Variants in SIRT3 observed in about 807,000 individuals in gnomAD.
SIRT3 encodes sirtuin 3.
A neutral mutation model predicts 33.5 loss-of-function variants in SIRT3; 26 were observed. The observed-to-expected ratio is 0.78, with a 90% confidence interval of 0.57 to 1.08. The LOEUF is 1.08. Among genes scored for constraint, SIRT3 ranks in the 50% least tolerant of loss-of-function variants. The pLI, the probability that SIRT3 is intolerant of heterozygous loss-of-function variation, is 0.00. For missense variants in SIRT3, 585 were observed against 530.1 expected, an observed-to-expected ratio of 1.10 and a Z score of -1.02; for synonymous variants, 237 against 222.1, an observed-to-expected ratio of 1.07 and a Z score of -0.60.
chr11:235,204 CT>C (rs11320697), intron 1 of SIRT3, among the ~76,000 whole-genome samples: 95,519 of 150,770 alleles, frequency 0.63, 31,689 homozygotes, highest in African/African-American at 0.84. Context: ...AAACTTTTTT[CT>C]TTTTTTTTTC....
intron 3 of SIRT3, 40 bp from the exon 4 acceptor site, chr11:230,592 G>A (rs200665318): frequency 3.7e-4 from 516 of 1,401,198 alleles, no homozygotes; most frequent in Non-Finnish European, 4.7e-4. Flanking sequence ...TGCCGCCTCC[G>A]AGATGAGCAC....
intron 4 of SIRT3, among the ~76,000 whole-genome samples, chr11:224,558 C>G (rs1856897134): frequency 6.6e-6 from 1 of 152,232 alleles, no homozygotes; most frequent in Non-Finnish European, 1.5e-5. Context: ...CAGAGACATC[C>G]AGGCGCTAAG....
At chr11:226,413 T>C (rs1242948986) in intron 4 of SIRT3, among the ~76,000 whole-genome samples, 1 of 152,138 alleles carries the variant, frequency 6.6e-6, no homozygotes, top group Non-Finnish European at 1.5e-5. Flanking sequence ...TTTTATTTTA[T>C]ATTTTATTTT....
intron 1 of SIRT3, among the ~76,000 whole-genome samples, chr11:235,824 G>A (rs560025918): frequency 5.9e-5 from 9 of 152,204 alleles, no homozygotes; most frequent in Non-Finnish European, 1.2e-4. Flanking sequence ...ACAGCATGAT[G>A]CACAATAACT....
At chr11:219,065 G>A (rs769516419) in intron 5 of SIRT3, 24 bp from the exon 6 acceptor site, 21 of 1,590,864 alleles carry the variant, frequency 1.3e-5, no homozygotes, top group South Asian at 3.4e-5. Flanking sequence ...CAAACGTGAG[G>A]GGCACAGTGT....
Position 234,450 on chromosome 11 carries a change from T to A in SIRT3, c.282-916A>T, listed in dbSNP as rs542101035. ...TTTGTTTTGAGACGGAGTCTCGCTC[T>A]GTTGCCCAGGCTGGAGTGCAGTGTC... On this transcript the variant is annotated intron_variant, in intron 1 of 6. Transcript: ENST00000382743. Among the ~76,000 whole-genome samples the A allele has an allele frequency of 6.0e-5, 9 of 151,086 alleles. No individual in the cohort carries two copies. In the South Asian group the frequency reaches 1.9e-3, roughly 31 times the overall value.
intron 4 of SIRT3, among the ~76,000 whole-genome samples, chr11:224,927 A>G (rs140605147): frequency 6.6e-6 from 1 of 150,626 alleles, no homozygotes; most frequent in East Asian, 1.9e-4. Flanking sequence ...GCTTGTTTTA[A>G]GCAGGCTCAG....
chr11:221,694 A>C (rs1856464688), intron 5 of SIRT3, among the ~76,000 whole-genome samples: 1 of 152,246 alleles, frequency 6.6e-6, no homozygotes, highest in Non-Finnish European at 1.5e-5. Context: ...CAGCTCATTC[A>C]GTTCATGATG....
chr11:228,269 A>T (rs1359719355), intron 4 of SIRT3, among the ~76,000 whole-genome samples: 1 of 152,254 alleles, frequency 6.6e-6, no homozygotes, highest in African/African-American at 2.4e-5. Flanking sequence ...TGAGGAGACT[A>T]AACTATTTGT....
upstream of SIRT3, chr11:236,369 C>CG: frequency 6.9e-5 from 82 of 1,189,160 alleles, no homozygotes; most frequent in Middle Eastern, 3.2e-4. Context: ...TCGCCCCGCC[C>CG]CCGGCGCCCC....
intron 3 of SIRT3, among the ~76,000 whole-genome samples, chr11:231,843 G>T (rs1157250042): frequency 6.8e-6 from 1 of 147,964 alleles, no homozygotes; most frequent in East Asian, 2.0e-4. Flanking sequence ...CTTTTTAACT[G>T]ACAACACATC....
intron 5 of SIRT3, among the ~76,000 whole-genome samples, chr11:220,005 G>T (rs745330112): frequency 5.9e-5 from 9 of 152,036 alleles, no homozygotes; most frequent in Non-Finnish European, 1.2e-4. Flanking sequence ...TATAATTTAT[G>T]AACTAATTTA....
At position 230,536 on chromosome 11, in the gene SIRT3, G is replaced by A; in HGVS notation, c.723C>T (p.Ala241=). ...DGLERVSGIP[A]SKLVEAHGTF... ...TTCCATGAGCTTCAACCAGCTTTGA[G>A]GCAGGGATGCCCGACACTGAAATTC... Residue 241 remains alanine, a synonymous_variant, in exon 4 of 7, where the codon GCC becomes GCT. Transcript: ENST00000382743. 6.5e-7 allele frequency: 1 copy of A among 1,535,050 alleles called. No homozygotes were observed. Among genetic ancestry groups the A allele is most frequent in the Non-Finnish European group, 8.8e-7 (1 of 1,141,446 alleles).
intron 4 of SIRT3, among the ~76,000 whole-genome samples, chr11:229,720 T>C (rs547476288): frequency 4.9e-4 from 73 of 149,036 alleles, no homozygotes; most frequent in African/African-American, 1.7e-3. Flanking sequence ...AATCGCGCCA[T>C]TGCACTCCAG....
At position 233,065 on chromosome 11, in the gene SIRT3, G is replaced by A. The variant is rs1162486958; in HGVS notation, c.624C>T (p.Val208=). Residue 208 remains valine (V), a synonymous_variant, in exon 3 of 7, where the codon GTC becomes GTT. Coordinates refer to ENST00000382743, the MANE Select transcript of SIRT3 (RefSeq NM_012239.6). ...GAAGCAGCCGGAGAAAGTAGTGAGT[G>A]ACGTTGGGCTTGTAGTTTCCAGGGT... ...ELYPGNYKPN[V]THYFLRLLHD... is the part of the protein sequence containing the mutation. 7 of 1,614,064 alleles carry A rather than the reference G, an allele frequency of 4.3e-6. No individual in the cohort carries two copies. Among genetic ancestry groups the A allele is most frequent in the South Asian group, 1.1e-5 (1 of 91,080 alleles).
chr11:228,397 T>C (rs1364621440), intron 4 of SIRT3, among the ~76,000 whole-genome samples: 2 of 152,178 alleles, frequency 1.3e-5, no homozygotes, highest in African/African-American at 4.8e-5. Flanking sequence ...AAAGCTACAG[T>C]AACCAAAACA....
chr11:223,913 T>A lies in SIRT3; in HGVS notation c.969+165A>T. The A allele has an allele frequency of 2.1e-5, 7 of 329,494 alleles. No homozygotes were observed. The highest frequency in any genetic ancestry group is 3.4e-5 in the Non-Finnish European group (6 of 174,504). The allele number at this position is 329,494 out of a possible 1,614,324, so 20.4% of individuals were successfully genotyped here. A position where few individuals can be genotyped will look rare whatever the true frequency, so the allele number is the denominator to read the frequency against. On this transcript the variant is annotated intron_variant, in intron 5 of 6. Transcript: ENST00000382743. The surrounding 1 kb of genome is among the most constrained non-coding windows in gnomAD (Gnocchi z 4.8). ...TTCCCCTGCCCTCCAGCCTCCTCCC[T>A]GCACAGGCCTGCCGACAGCCCATGA...
intron 3 of SIRT3, 69 bp from the exon 4 acceptor site, chr11:230,621 C>T: frequency 8.8e-7 from 1 of 1,136,344 alleles, no homozygotes; most frequent in Non-Finnish European, 1.2e-6. Flanking sequence ...AAGAGCACAA[C>T]TTCTGGGCTT....
chr11:229,903 T>C (rs1857681041), intron 4 of SIRT3, among the ~76,000 whole-genome samples: 1 of 152,136 alleles, frequency 6.6e-6, no homozygotes, highest in Non-Finnish European at 1.5e-5. Flanking sequence ...AGCAGAAAGG[T>C]GGGACAACCC....
Sources: allele counts gnomAD v4.1 joint callset (sites outside exome capture counted in the v4.1 genomes callset), GRCh38; gene constraint gnomAD v4.1.1; non-coding constraint Gnocchi (gnomAD v3.1); transcripts MANE v1.5; gene names NCBI Gene and HGNC (gene_info 2026-07-23, HGNC 2026-07-21).